The following RAD51D variants were observed in gnomAD, a reference collection of about 807,000 sequenced individuals.
The protein encoded by RAD51D is RAD51 paralog D, also known as DNA repair protein RAD51 homolog 4.
A neutral mutation model predicts 44.1 loss-of-function variants in RAD51D; 38 were observed. The ratio of observed to expected loss-of-function variants is 0.86; its 90% CI spans 0.67 to 1.13. RAD51D has a LOEUF of 1.13. RAD51D is among the 50% of genes most tolerant of loss of function. The probability of loss-of-function intolerance (pLI) is 0.00; values close to 1 mark genes in which losing one functional copy is unlikely to be tolerated. For synonymous variants in RAD51D, 141 were observed against 166.6 expected (o/e 0.85, Z 1.18); for missense variants, 390 against 414.0 (o/e 0.94, Z 0.50).
intron 5 of RAD51D, 131 bp downstream of exon 5, chr17:35,106,857 A>G (rs1309445913): frequency 2.9e-6 from 4 of 1,359,898 alleles, no homozygotes; most frequent in Non-Finnish European, 4.2e-6. Flanking sequence ...CTTAAGGAAT[A>G]CGAGATGTAT....
Position 35,099,442 on chromosome 17 carries a change from T to C in RAD51D, c.*1511A>G, listed in dbSNP as rs1321053996. The C allele has an allele frequency of 5.3e-6, 1 of 189,482 alleles. No individual in the cohort carries two copies. The highest frequency in any genetic ancestry group is 1.1e-5 in the Non-Finnish European group (1 of 89,002). 11.7% of individuals were successfully genotyped at this position (189,482 alleles called of 1,614,324 possible). A position where few individuals can be genotyped will look rare whatever the true frequency, so the allele number is the denominator to read the frequency against. On this transcript the variant is annotated 3_prime_UTR_variant, in exon 10 of 10. Transcript: ENST00000345365. ...ATTTGCAATTTCCAGCTTCATGTAT[T>C]GCATCTTACTGTGGTTGCAGGAATG...
chr17:35,105,533 C>T (rs781069554), intron 6 of RAD51D, among the ~76,000 whole-genome samples: 6 of 152,152 alleles, frequency 3.9e-5, no homozygotes, highest in Non-Finnish European at 7.4e-5. Flanking sequence ...CGTGTGAACA[C>T]GTCATGCTTT....
At chr17:35,115,377 A>G (rs1313010234) in intron 3 of RAD51D, 3 of 476,654 alleles carry the variant, frequency 6.3e-6, no homozygotes, top group Non-Finnish European at 1.3e-5. Context: ...TCATCAACAT[A>G]GCTTTTCCCA....
Position 35,119,757 on chromosome 17 carries a change from A to G in RAD51D, c.-144T>C, listed in dbSNP as rs1390798395. 3.6e-6 allele frequency: 3 copies of G among 825,000 alleles called. No homozygotes were observed. The highest frequency in any genetic ancestry group is 2.0e-5 in the Admixed American group (1 of 50,376). 51.1% of individuals were successfully genotyped at this position (825,000 alleles called of 1,614,324 possible). The stretch of plus-strand genomic sequence containing the variant: ...GCCGGAGGAGAAAGGAGAGAGGAGG[A>G]GGCGGCACCAAGGGTAGGGCTGGGG... On this transcript the variant is annotated 5_prime_UTR_variant, in exon 1 of 10. Transcript: ENST00000345365.
chr17:35,113,982 A>G (rs2091707211), intron 3 of RAD51D, among the ~76,000 whole-genome samples: 1 of 152,182 alleles, frequency 6.6e-6, no homozygotes, highest in African/African-American at 2.4e-5. Context: ...CATTAAAATC[A>G]GGGGAGTTGG....
At chr17:35,112,971 G>A (rs1355328670) in intron 3 of RAD51D, among the ~76,000 whole-genome samples, 4 of 152,038 alleles carry the variant, frequency 2.6e-5, no homozygotes, top group South Asian at 2.1e-4. Context: ...CTTTTATTTC[G>A]CTTCTGTATC....
intron 3 of RAD51D, among the ~76,000 whole-genome samples, chr17:35,111,331 G>A (rs968953212): frequency 4.7e-5 from 7 of 147,884 alleles, no homozygotes; most frequent in African/African-American, 1.3e-4. Context: ...TCCAGGTCAG[G>A]CAACAAGAGC....
In RAD51D at chr17:35,096,509, G is replaced by A. The variant is rs530590272; in HGVS notation, c.*4444C>T. The A allele has an allele frequency of 9.2e-5, 14 of 152,302 alleles. No homozygotes were observed. Among genetic ancestry groups the A allele is most frequent in the African/African-American group, 2.9e-4 (12 of 41,554 alleles). 9.4% of individuals were successfully genotyped at this position (152,302 alleles called of 1,614,324 possible). A position where few individuals can be genotyped will look rare whatever the true frequency, so the allele number is the denominator to read the frequency against. Reference sequence around the variant, plus strand: ...GAGCAGAAGGATGCAAAGGCTCTACGCCATTTGACAATGAGCCACTAAATT... The same window carrying A: ...GAGCAGAAGGATGCAAAGGCTCTACACCATTTGACAATGAGCCACTAAATT... On this transcript the variant is annotated 3_prime_UTR_variant, in exon 10 of 10. Coordinates refer to ENST00000345365, the MANE Select transcript of RAD51D (RefSeq NM_002878.4).
In RAD51D at chr17:35,095,950, C is replaced by T. The variant is rs1372367131; in HGVS notation, c.*5003G>A. 2 of 152,184 alleles carry T rather than the reference C, an allele frequency of 1.3e-5. No homozygotes were observed. Among genetic ancestry groups the T allele is most frequent in the African/African-American group, 2.4e-5 (1 of 41,434 alleles). The allele number at this position is 152,184 out of a possible 1,614,324, so 9.4% of individuals were successfully genotyped here. ...ATCACATCATCAGCTTCAGTGGGTTCCAGGCAGCCAACTATTCAAACCATT... is the reference window on the plus strand; with the variant it reads ...ATCACATCATCAGCTTCAGTGGGTTTCAGGCAGCCAACTATTCAAACCATT... On this transcript the variant is annotated 3_prime_UTR_variant, in exon 10 of 10. Transcript: ENST00000345365.
At chr17:35,113,354 C>T (rs1466632172) in intron 3 of RAD51D, among the ~76,000 whole-genome samples, 3 of 152,164 alleles carry the variant, frequency 2.0e-5, no homozygotes, top group African/African-American at 4.8e-5. Context: ...CTGCAACCTC[C>T]GCCTCTCGGG....
intron 3 of RAD51D, chr17:35,113,568 C>T: frequency 2.2e-6 from 1 of 446,306 alleles, no homozygotes; most frequent in Non-Finnish European, 4.5e-6. Context: ...CGTGCCTGGC[C>T]CCCAACCATT....
intron 3 of RAD51D, among the ~76,000 whole-genome samples, chr17:35,108,097 T>A (rs2091631509): frequency 1.3e-5 from 2 of 151,506 alleles, no homozygotes; most frequent in Non-Finnish European, 2.9e-5. Context: ...TCGCTTTTTT[T>A]AAACTTTGAT....
In RAD51D at chr17:35,101,019, C is replaced by T. The variant is rs1057523377; in HGVS notation, c.921G>A (p.Glu307=). 1 of 1,613,844 alleles carries T rather than the reference C, an allele frequency of 6.2e-7. No homozygotes were observed. Among genetic ancestry groups the T allele is most frequent in the Non-Finnish European group, 8.5e-7 (1 of 1,179,718 alleles). The change falls in exon 10 of 10, where the codon GAG becomes GAA. Residue 307 remains glutamate, a synonymous_variant. Transcript: ENST00000345365. ...TCCCCCAGGTCCCAATGTCTACCAT[C>T]TCCTGGAAACCTGTTGGCTGGAAGA... ...KSSRQPTGFQ[E]MVDIGTWGTS...
chr17:35,106,173 G>A (rs778072430), intron 6 of RAD51D: 3 of 710,234 alleles, frequency 4.2e-6, no homozygotes, highest in Non-Finnish European at 7.8e-6. Flanking sequence ...CTTCCACTCA[G>A]GGGGCTTTAC....
At position 35,100,140 on chromosome 17, in the gene RAD51D, C is replaced by T. The variant is rs778188436; in HGVS notation, c.*813G>A. The T allele has an allele frequency of 9.2e-5, 49 of 532,894 alleles. No homozygotes were observed. The highest frequency in any genetic ancestry group is 7.2e-4 in the South Asian group (47 of 65,174). 33.0% of individuals were successfully genotyped at this position (532,894 alleles called of 1,614,324 possible). A position where few individuals can be genotyped will look rare whatever the true frequency, so the allele number is the denominator to read the frequency against. On this transcript the variant is annotated 3_prime_UTR_variant, in exon 10 of 10. Coordinates refer to ENST00000345365, the MANE Select transcript of RAD51D (RefSeq NM_002878.4). The stretch of plus-strand genomic sequence containing the variant: ...GTTATGCTGTACTGTGGAGGGGCCC[C>T]ACAGGGCACCATGCATATTAAATGA...
rs1056572571 is a variant in RAD51D, at chr17:35,092,611, G to A, written c.*8342C>T. 3.3e-5 allele frequency: 5 copies of A among 152,170 alleles called. No homozygotes were observed. Among genetic ancestry groups the A allele is most frequent in the African/African-American group, 1.2e-4 (5 of 41,428 alleles). The allele number at this position is 152,170 out of a possible 1,614,324, so 9.4% of individuals were successfully genotyped here. ...AGGGACTAGCAGGGTTTTGAACTTA[G>A]ATCTTTTTCCTGATTCCAAAATCCC... On this transcript the variant is annotated 3_prime_UTR_variant, in exon 10 of 10. Transcript: ENST00000345365.
rs2091557561 is a variant in RAD51D, at chr17:35,103,037, G to GA, written c.738+216dup. 1.3e-5 allele frequency among the ~76,000 whole-genome samples: 2 copies of GA among 152,016 alleles called. No homozygotes were observed. The highest frequency in any genetic ancestry group is 2.1e-4 in the South Asian group (1 of 4,826). On this transcript the variant is annotated intron_variant, in intron 8 of 9. Transcript: ENST00000345365. This position sits in a 1 kb window ranked among gnomAD's most constrained non-coding sequence, Gnocchi z 4.1. ...ATACCTCAATAAACCTGACTAAAAAGAAAAAATGTAGAAACAAAACAAAAC... is the reference window on the plus strand; with the variant it reads ...ATACCTCAATAAACCTGACTAAAAAGAAAAAAATGTAGAAACAAAACAAAAC...
chr17:35,101,601 A>G (rs1340306012), intron 8 of RAD51D, among the ~76,000 whole-genome samples: 1 of 152,162 alleles, frequency 6.6e-6, no homozygotes, highest in Non-Finnish European at 1.5e-5. Context: ...GATGGGGCAC[A>G]TGTCACCATG....
chr17:35,119,503 G>T, intron 1 of RAD51D, 29 bp downstream of exon 1: 2 of 1,608,000 alleles, frequency 1.2e-6, no homozygotes. Context: ...AGGCCCGCGC[G>T]GCTCCCTGGC....
Sources: gnomAD v4.1 joint callset for allele counts (sites outside exome capture counted in the v4.1 genomes callset) on GRCh38, gnomAD v4.1.1 for gene constraint, Gnocchi (gnomAD v3.1) non-coding constraint, MANE v1.5 for transcripts, NCBI Gene and HGNC (gene_info 2026-07-23, HGNC 2026-07-21) for gene names.